PCDHGA5: variants seen among roughly 807,000 people sequenced by gnomAD.
The protein encoded by PCDHGA5 is protocadherin gamma subfamily A, 5.
PCDHGA5 carries 36 observed loss-of-function variants against 56.7 expected under a neutral mutation model. That is an observed-to-expected ratio of 0.64 (90% CI 0.49 to 0.84). PCDHGA5 has a LOEUF of 0.84. PCDHGA5 is among the 40% of genes least tolerant of loss of function. The pLI, the probability that PCDHGA5 is intolerant of heterozygous loss-of-function variation, is 0.00. For synonymous variants in PCDHGA5, 563 were observed against 520.2 expected (o/e 1.08, Z -1.12); for missense variants, 1,305 against 1,201.5 (o/e 1.09, Z -1.27).
intron 1 of PCDHGA5, chr5:141,441,925 T>C (rs926242217): frequency 2.8e-6 from 1 of 353,614 alleles, no homozygotes; most frequent in Non-Finnish European, 5.4e-6. Flanking sequence ...ACACAATGCG[T>C]GGCTGTCCTA....
At chr5:141,376,448 G>T (rs771215693) in intron 1 of PCDHGA5, 1 of 1,614,174 alleles carries the variant, frequency 6.2e-7, no homozygotes, top group Non-Finnish European at 8.5e-7. Flanking sequence ...TGAGAAAAGC[G>T]AGCCTCTTCT....
At chr5:141,421,192 C>G (rs758345796) in intron 1 of PCDHGA5, 22 of 1,491,716 alleles carry the variant, frequency 1.5e-5, no homozygotes, top group Non-Finnish European at 1.9e-5. Flanking sequence ...AACCAACCAG[C>G]TCGAGAAACC....
chr5:141,484,883 G>GCC (rs1231530221), intron 1 of PCDHGA5: 2 of 352,506 alleles, frequency 5.7e-6, no homozygotes, highest in Admixed American at 9.0e-5. Flanking sequence ...GATAGGGTGG[G>GCC]CTTTTTCCCC....
At chr5:141,392,833 G>A (rs750632906) in intron 1 of PCDHGA5, 39 of 1,604,260 alleles carry the variant, frequency 2.4e-5, no homozygotes, top group Non-Finnish European at 2.8e-5. Context: ...CCACAGAGTC[G>A]CCCCAGACGC....
chr5:141,390,388 G>C, intron 1 of PCDHGA5: 1 of 1,423,474 alleles, frequency 7.0e-7, no homozygotes, highest in Admixed American at 2.1e-5. Context: ...TAGATGTCAT[G>C]GATCATTTTA....
chr5:141,456,700 C>G (rs1420857227), intron 1 of PCDHGA5, among the ~76,000 whole-genome samples: 2 of 152,060 alleles, frequency 1.3e-5, no homozygotes, highest in Admixed American at 1.3e-4. Flanking sequence ...CGTGGTGGCT[C>G]GCGCCTGTAA....
At position 141,419,408 on chromosome 5, in the gene PCDHGA5, C is replaced by T. The variant is rs534591654; in HGVS notation, c.2421+52657C>T. On this transcript the variant is annotated intron_variant, in intron 1 of 3. Coordinates refer to ENST00000518069, the MANE Select transcript of PCDHGA5 (RefSeq NM_018918.3). ...CGCGCAGAGCGGGGTGGTGTTCGCG[C>T]AGCGCGCCTTCGACCACGAGCAGCT... 6.2e-6 allele frequency: 10 copies of T among 1,613,508 alleles called. No individual in the cohort carries two copies. The African/African-American group carries it at 1.3e-4, about 21-fold the overall frequency.
At chr5:141,413,501 G>A (rs772110374) in intron 1 of PCDHGA5, 1 of 1,614,040 alleles carries the variant, frequency 6.2e-7, no homozygotes, top group Non-Finnish European at 8.5e-7. Context: ...TGCGTGGTGA[G>A]TTTTAATATC....
In PCDHGA5 at chr5:141,485,842, T is replaced by C; in HGVS notation, c.2422-8965T>C. ...TCGATGGAGGGAACCCGCCGAGATC[T>C]GGCACCGCAGAGCTCCGGGTATCCG... On this transcript the variant is annotated intron_variant, in intron 1 of 3. Coordinates refer to ENST00000518069, the MANE Select transcript of PCDHGA5 (RefSeq NM_018918.3). This position sits in a 1 kb window ranked among gnomAD's most constrained non-coding sequence, Gnocchi z 5.7. 1 of 1,614,002 alleles carries C rather than the reference T, an allele frequency of 6.2e-7. No homozygotes were observed. Among genetic ancestry groups the C allele is most frequent in the Non-Finnish European group, 8.5e-7 (1 of 1,179,982 alleles).
intron 1 of PCDHGA5, chr5:141,408,074 C>T: frequency 7.2e-7 from 1 of 1,395,302 alleles, no homozygotes; most frequent in Non-Finnish European, 9.5e-7. Context: ...CAGACCTTTC[C>T]CAGCACAGCG....
intron 1 of PCDHGA5, among the ~76,000 whole-genome samples, chr5:141,446,453 A>T (rs2098502702): frequency 6.6e-6 from 1 of 151,946 alleles, no homozygotes; most frequent in Non-Finnish European, 1.5e-5. Context: ...GCAGATATTC[A>T]GTGTGTGATT....
At chr5:141,451,807 G>A (rs896081470) in intron 1 of PCDHGA5, among the ~76,000 whole-genome samples, 5 of 150,778 alleles carry the variant, frequency 3.3e-5, no homozygotes, top group African/African-American at 1.2e-4. Flanking sequence ...CTTGAACCCA[G>A]GAGGCGGAGG....
chr5:141,415,078 G>C, intron 1 of PCDHGA5: 1 of 1,613,494 alleles, frequency 6.2e-7, no homozygotes, highest in Non-Finnish European at 8.5e-7. Context: ...CACGGCGCGA[G>C]CCCTGCTGGA....
intron 2 of PCDHGA5, among the ~76,000 whole-genome samples, chr5:141,504,782 G>A (rs2099841011): frequency 6.6e-6 from 1 of 151,926 alleles, no homozygotes; most frequent in Non-Finnish European, 1.5e-5. Context: ...AGGGTCTCTT[G>A]GGGCCTCCTA....
intron 1 of PCDHGA5, among the ~76,000 whole-genome samples, chr5:141,444,152 ATTTTTTTTTTTTTTTT>A (rs747671382): frequency 6.3e-3 from 214 of 33,896 alleles, no homozygotes; most frequent in African/African-American, 0.023. Flanking sequence ...TGTGTACTGG[ATTTTTTTTTTTTTTTT>A]TTTTTTTTTT....
At chr5:141,377,577 CAGAATGAGACTTTT>C (rs1211676701) in intron 1 of PCDHGA5, 2 of 148,600 alleles carry the variant, frequency 1.3e-5, no homozygotes, top group African/African-American at 2.5e-5. Context: ...GCCTGGGAGA[CAGAATGAGACTTTT>C]TCTCTCTCTC....
rs2099884522 is a variant in PCDHGA5, at chr5:141,512,941, T to C, written c.*1768T>C. On this transcript the variant is annotated 3_prime_UTR_variant, in exon 4 of 4. Transcript: ENST00000518069. ...CTAATATTTATATGGCTTTTTTTCT[T>C]CGACAAAAAAATAATAAAACGTTTC... The C allele has an allele frequency of 6.6e-6, 1 of 151,892 alleles. No individual in the cohort carries two copies. The highest frequency in any genetic ancestry group is 6.6e-5 in the Admixed American group (1 of 15,236). The allele number at this position is 151,892 out of a possible 1,614,324, so 9.4% of individuals were successfully genotyped here.
intron 1 of PCDHGA5, among the ~76,000 whole-genome samples, chr5:141,450,894 G>C (rs919860611): frequency 6.7e-6 from 1 of 148,956 alleles, no homozygotes; most frequent in Admixed American, 6.7e-5. Context: ...GTGCGATATC[G>C]GCTCACTGCA....
At chr5:141,413,407 CTT>C (rs758693256) in intron 1 of PCDHGA5, 1 of 1,613,926 alleles carries the variant, frequency 6.2e-7, no homozygotes, top group Non-Finnish European at 8.5e-7. Context: ...TAGGACGCAG[CTT>C]TTCTCTCTGA....
Sources: allele counts gnomAD v4.1 joint callset (sites outside exome capture counted in the v4.1 genomes callset), GRCh38; gene constraint gnomAD v4.1.1; non-coding constraint Gnocchi (gnomAD v3.1); transcripts MANE v1.5; gene names NCBI Gene and HGNC (gene_info 2026-07-23, HGNC 2026-07-21).